Variants in RGSL1 observed in about 807,000 individuals in gnomAD.
The protein encoded by RGSL1 is regulator of G protein signaling like 1.
RGSL1 carries 97 observed loss-of-function variants against 124.7 expected under a neutral mutation model. The ratio of observed to expected loss-of-function variants is 0.78; its 90% confidence interval spans 0.66 to 0.92. The LOEUF is 0.92. Ranked by LOEUF, RGSL1 falls within the 40% of genes least tolerant of loss-of-function variation. The pLI is 0.00. For synonymous variants in RGSL1, 424 were observed against 438.1 expected, an observed-to-expected ratio of 0.97 and a Z score of 0.40; for missense variants, 1,233 against 1,288.4, an observed-to-expected ratio of 0.96 and a Z score of 0.66.
rs1184838045 is a variant in RGSL1, at chr1:182,530,729, C to T, written c.2244-61C>T. 7 of 1,461,224 alleles carry T rather than the reference C, an allele frequency of 4.8e-6. No individual in the cohort carries two copies. In the African/African-American group the frequency reaches 1.0e-4, roughly 21 times the overall value. The allele number at this position is 1,461,224 out of a possible 1,614,324, so 90.5% of individuals were successfully genotyped here. On this transcript the variant is annotated intron_variant, in intron 12 of 21. Transcript: ENST00000294854. ...AGAAGCTGAGGTAGGTTTGCCTGGACTGTCATCTTTTATGTGCCAGGTTTT... is the reference window on the plus strand; with the variant it reads ...AGAAGCTGAGGTAGGTTTGCCTGGATTGTCATCTTTTATGTGCCAGGTTTT...
chr1:182,501,380 T>A (rs1656374164), intron 9 of RGSL1, among the ~76,000 whole-genome samples: 1 of 139,754 alleles, frequency 7.2e-6, no homozygotes, highest in African/African-American at 2.6e-5. Context: ...AGTGCAGTGG[T>A]GCATCTTGGC....
chr1:182,506,223 A>G (rs1388778212), intron 9 of RGSL1, among the ~76,000 whole-genome samples: 1 of 152,180 alleles, frequency 6.6e-6, no homozygotes, highest in Non-Finnish European at 1.5e-5. Flanking sequence ...TGATACTCTC[A>G]TTATATTTAA....
At chr1:182,552,558 A>T (rs879665643) in intron 18 of RGSL1, among the ~76,000 whole-genome samples, 1 of 152,212 alleles carries the variant, frequency 6.6e-6, no homozygotes, top group Non-Finnish European at 1.5e-5. Context: ...GTCATAATAT[A>T]CAAGCTGTGA....
At chr1:182,477,530 C>G (rs1654388056) in intron 6 of RGSL1, among the ~76,000 whole-genome samples, 1 of 152,204 alleles carries the variant, frequency 6.6e-6, no homozygotes, top group Admixed American at 6.5e-5. Flanking sequence ...TGAGGCAGCC[C>G]TGTCCACCCA....
At chr1:182,481,144 TA>T (rs1269426941) in intron 6 of RGSL1, among the ~76,000 whole-genome samples, 1 of 151,994 alleles carries the variant, frequency 6.6e-6, no homozygotes, top group Non-Finnish European at 1.5e-5. Context: ...AATCAATTTT[TA>T]AAAACATAAA....
chr1:182,533,766 A>C (rs568276278), intron 14 of RGSL1, among the ~76,000 whole-genome samples: 1 of 152,318 alleles, frequency 6.6e-6, no homozygotes, highest in South Asian at 2.1e-4. Context: ...TACTGCTATT[A>C]TTATATAATT....
rs777383810 is a variant in RGSL1 at position 182,475,417 on chromosome 1, G to C, written c.1431+875G>C. Among the ~76,000 whole-genome samples, 14 of 152,102 alleles carry C rather than the reference G, an allele frequency of 9.2e-5. 1 individual carries two copies. The highest frequency in any genetic ancestry group is 1.9e-4 in the Non-Finnish European group (13 of 68,022). ...GTAACAGATGAGAGACAAATAAGAG[G>C]GACTACTCACAAAGGAATGGGTGGT... is the stretch of plus-strand genomic sequence containing the variant. On this transcript the variant is annotated intron_variant, in intron 6 of 21. Transcript: ENST00000294854.
chr1:182,494,528 A>G (rs1266116147), intron 9 of RGSL1, among the ~76,000 whole-genome samples: 5 of 152,202 alleles, frequency 3.3e-5, no homozygotes, highest in Admixed American at 3.3e-4. Context: ...ATTTTAAATT[A>G]TATACGTGGC....
chr1:182,452,405 G>T (rs1651917876), intron 1 of RGSL1, among the ~76,000 whole-genome samples: 1 of 151,828 alleles, frequency 6.6e-6, no homozygotes, highest in South Asian at 2.1e-4. Context: ...TGAACAGAGG[G>T]CAAGTGCTGA....
intron 15 of RGSL1, among the ~76,000 whole-genome samples, chr1:182,544,623 C>G (rs1039865602): frequency 6.6e-6 from 1 of 151,874 alleles, no homozygotes; most frequent in African/African-American, 2.4e-5. Context: ...GTATTGCAAC[C>G]TTTTTCTCCC....
At chr1:182,497,915 G>A (rs1571574741) in intron 9 of RGSL1, among the ~76,000 whole-genome samples, 1 of 152,034 alleles carries the variant, frequency 6.6e-6, no homozygotes, top group Non-Finnish European at 1.5e-5. Flanking sequence ...TTGTAGAAAT[G>A]GGGTCTCACT....
chr1:182,530,371 C>T lies in RGSL1; in HGVS notation c.2243+10C>T, dbSNP rs1317360995. 1 of 1,539,740 alleles carries T rather than the reference C, an allele frequency of 6.5e-7. No individual in the cohort carries two copies. Among genetic ancestry groups the T allele is most frequent in the East Asian group, 2.4e-5 (1 of 40,844 alleles). On this transcript the variant is annotated intron_variant, in intron 12 of 21. Coordinates refer to ENST00000294854, the MANE Select transcript of RGSL1 (RefSeq NM_001137669.2). The stretch of plus-strand genomic sequence containing the variant: ...CTATAGAAGAAAAGTGGTGAGTATA[C>T]TCAATTAAGGAAAGGATTCTTCCTG...
chr1:182,540,746 T>C (rs1200097596), intron 15 of RGSL1, among the ~76,000 whole-genome samples: 1 of 152,218 alleles, frequency 6.6e-6, no homozygotes, highest in Non-Finnish European at 1.5e-5. Context: ...CAATATTCTT[T>C]AGTCAAAGCC....
intron 2 of RGSL1, among the ~76,000 whole-genome samples, chr1:182,457,112 A>G (rs1652403058): frequency 6.6e-6 from 1 of 152,024 alleles, no homozygotes; most frequent in African/African-American, 2.4e-5. Flanking sequence ...ATTCCACTGC[A>G]CTCCAGCCCA....
At position 182,509,822 on chromosome 1, in the gene RGSL1, C is replaced by T. The variant is rs1352122442; in HGVS notation, c.1826-12182C>T. The stretch of plus-strand genomic sequence containing the variant: ...GGCTGGCCGGGCGGGGGGCTGACCC[C>T]CCCCCACCTCCCTCCCGGACGGGGT... On this transcript the variant is annotated intron_variant, in intron 9 of 21. Transcript: ENST00000294854. Among the ~76,000 whole-genome samples, 79 of 134,058 alleles carry T rather than the reference C, an allele frequency of 5.9e-4. 1 individual carries two copies. The highest frequency in any genetic ancestry group is 2.2e-3 in the African/African-American group (75 of 34,794). 87.9% of individuals were successfully genotyped at this position (134,058 alleles called of 152,430 possible).
At chr1:182,531,739 T>C (rs902651163) in intron 13 of RGSL1, among the ~76,000 whole-genome samples, 4 of 152,180 alleles carry the variant, frequency 2.6e-5, no homozygotes, top group Admixed American at 2.6e-4. Context: ...GTGCACTTGA[T>C]TTAATTTCAG....
chr1:182,551,983 G>A (rs2102332763), intron 18 of RGSL1, among the ~76,000 whole-genome samples: 1 of 152,326 alleles, frequency 6.6e-6, no homozygotes, highest in South Asian at 2.1e-4. Flanking sequence ...AAGCCTGAGT[G>A]TGTAGTGGGC....
chr1:182,521,000 C>T (rs1658293833), intron 9 of RGSL1, among the ~76,000 whole-genome samples: 1 of 152,144 alleles, frequency 6.6e-6, no homozygotes. Context: ...CAATATTAAC[C>T]TCAAAGGGCT....
At chr1:182,475,615 G>A (rs1654229213) in intron 6 of RGSL1, among the ~76,000 whole-genome samples, 1 of 152,092 alleles carries the variant, frequency 6.6e-6, no homozygotes, top group African/African-American at 2.4e-5. Flanking sequence ...CATCAGTTGA[G>A]GGATATAACT....
Sources: gnomAD v4.1 joint callset for allele counts (sites outside exome capture counted in the v4.1 genomes callset) on GRCh38, gnomAD v4.1.1 for gene constraint, MANE v1.5 for transcripts, NCBI Gene and HGNC (gene_info 2026-07-23, HGNC 2026-07-21) for gene names.